Variants in SCHIP1 observed in about 807,000 individuals in gnomAD.
The protein encoded by SCHIP1 is schwannomin-interacting protein 1.
In SCHIP1, 8 loss-of-function variants were observed where a neutral mutation model predicts 29.7. The observed-to-expected ratio is 0.27, with a 90% CI of 0.16 to 0.49. The LOEUF is 0.49. Among genes scored for constraint, SCHIP1 ranks in the 20% least tolerant of loss-of-function variants. SCHIP1 has a pLI of 0.99. For synonymous variants in SCHIP1, 76 were observed against 94.9 expected, an observed-to-expected ratio of 0.80 and a Z score of 1.16; for missense variants, 193 against 294.6, an observed-to-expected ratio of 0.66 and a Z score of 2.52.
chr3:159,641,740 G>A, the SCHIP1 span, among the ~76,000 whole-genome samples: 1 of 152,102 alleles, frequency 6.6e-6, no homozygotes, highest in Non-Finnish European at 1.5e-5. Context: ...AATACTCAAA[G>A]GCCCACTCTT....
chr3:159,876,980 A>C (rs1715891586), intron 2 of SCHIP1, among the ~76,000 whole-genome samples: 1 of 152,148 alleles, frequency 6.6e-6, no homozygotes, highest in Non-Finnish European at 1.5e-5. Context: ...GGGGATTATT[A>C]CCTGGTTTGT....
the SCHIP1 span, among the ~76,000 whole-genome samples, chr3:159,547,792 A>T: frequency 6.6e-6 from 1 of 152,160 alleles, no homozygotes; most frequent in Admixed American, 6.6e-5. Context: ...TACAAGTACT[A>T]TGCTGTTTTG....
At chr3:159,774,058 A>G in the SCHIP1 span, among the ~76,000 whole-genome samples, 1 of 152,336 alleles carries the variant, frequency 6.6e-6, no homozygotes, top group East Asian at 1.9e-4. Context: ...AGTGTTTTTG[A>G]GTGTTCCCTG....
chr3:159,826,038 C>T, the SCHIP1 span, among the ~76,000 whole-genome samples: 2,054 of 152,054 alleles, frequency 0.014, 40 homozygotes, highest in African/African-American at 0.047. Context: ...AGATCAGGGC[C>T]AATAACATAA....
the SCHIP1 span, among the ~76,000 whole-genome samples, chr3:159,767,946 C>G: frequency 1.3e-5 from 2 of 152,084 alleles, no homozygotes; most frequent in Non-Finnish European, 2.9e-5. Context: ...TGGAACATGC[C>G]TGGGATGGAG....
At chr3:159,668,302 G>A in the SCHIP1 span, among the ~76,000 whole-genome samples, 7 of 151,226 alleles carry the variant, frequency 4.6e-5, no homozygotes, top group Non-Finnish European at 7.4e-5. Context: ...GCGTGAACCC[G>A]GGAGGTGGAG....
chr3:159,653,013 G>A, the SCHIP1 span, among the ~76,000 whole-genome samples: 1 of 151,882 alleles, frequency 6.6e-6, no homozygotes, highest in Non-Finnish European at 1.5e-5. Flanking sequence ...GCCAGGGCAG[G>A]TATGGCGAAG....
At chr3:159,824,430 G>C in the SCHIP1 span, among the ~76,000 whole-genome samples, 3 of 152,110 alleles carry the variant, frequency 2.0e-5, no homozygotes, top group Non-Finnish European at 4.4e-5. Flanking sequence ...CATTTATCTG[G>C]ACAGAAGGCA....
At chr3:159,835,448 A>G (rs1326920316), upstream of SCHIP1, among the ~76,000 whole-genome samples, 1 of 152,164 alleles carries the variant, frequency 6.6e-6, no homozygotes, top group African/African-American at 2.4e-5. Flanking sequence ...AGATTCAACA[A>G]CTGATATTTA....
the SCHIP1 span, among the ~76,000 whole-genome samples, chr3:159,729,648 T>C: frequency 1.3e-5 from 2 of 152,178 alleles, no homozygotes; most frequent in Admixed American, 6.5e-5. Context: ...GCAGAATATA[T>C]GTAACTGAAT....
At chr3:159,652,157 G>C in the SCHIP1 span, among the ~76,000 whole-genome samples, 1 of 151,694 alleles carries the variant, frequency 6.6e-6, no homozygotes, top group African/African-American at 2.4e-5. Flanking sequence ...TCATGTTTAT[G>C]GTCTATAAGC....
At chr3:159,830,862 G>A in the SCHIP1 span, among the ~76,000 whole-genome samples, 220 of 152,274 alleles carry the variant, frequency 1.4e-3, 2 homozygotes, top group African/African-American at 5.0e-3. Context: ...GAAAGAGATG[G>A]GATGAGCTGA....
the SCHIP1 span, among the ~76,000 whole-genome samples, chr3:159,725,277 T>TC: frequency 2.0e-5 from 3 of 151,222 alleles, no homozygotes; most frequent in Non-Finnish European, 3.0e-5. Context: ...TTTTCTTTTT[T>TC]TTTTTTTTTT....
chr3:159,656,637 GGTACCCAC>G, the SCHIP1 span, among the ~76,000 whole-genome samples: 1 of 152,032 alleles, frequency 6.6e-6, no homozygotes, highest in Non-Finnish European at 1.5e-5. Flanking sequence ...TGAATTACGT[GGTACCCAC>G]CTTATATGGT....
At chr3:159,839,905 G>T in exon 1 of SCHIP1, 1 of 1,397,738 alleles carries the variant, frequency 7.2e-7, no homozygotes, top group South Asian at 1.7e-5. Context: ...TGCGGGTGAT[G>T]AGCGCCCCCT....
chr3:159,683,996 G>A, the SCHIP1 span, among the ~76,000 whole-genome samples: 3 of 151,802 alleles, frequency 2.0e-5, no homozygotes, highest in Admixed American at 2.0e-4. Context: ...TAAAAATCTT[G>A]CTGGCCAGGA....
chr3:159,426,481 CAAG>C, the SCHIP1 span, among the ~76,000 whole-genome samples: 1 of 152,088 alleles, frequency 6.6e-6, no homozygotes, highest in Non-Finnish European at 1.5e-5. Flanking sequence ...AAGACTAAAC[CAAG>C]AAGAAGTTGA....
chr3:159,799,529 A>G, the SCHIP1 span, among the ~76,000 whole-genome samples: 3 of 152,260 alleles, frequency 2.0e-5, no homozygotes, highest in African/African-American at 4.8e-5. Flanking sequence ...GTGTCTTGTC[A>G]CAAGACGGAC....
chr3:159,792,441 A>G, the SCHIP1 span, among the ~76,000 whole-genome samples: 1 of 152,208 alleles, frequency 6.6e-6, no homozygotes, highest in African/African-American at 2.4e-5. Flanking sequence ...GCACTTGACA[A>G]TTGTCTGGAA....
Sources: gnomAD v4.1 joint callset for allele counts (sites outside exome capture counted in the v4.1 genomes callset) on GRCh38, gnomAD v4.1.1 for gene constraint, MANE v1.5 for transcripts, NCBI Gene and HGNC (gene_info 2026-07-23, HGNC 2026-07-21) for gene names.